The following PPP1R21 variants were observed in gnomAD, a reference collection of about 807,000 sequenced individuals.
The protein encoded by PPP1R21 is KLRAQ motif containing 1.
A neutral mutation model predicts 112.8 loss-of-function variants in PPP1R21; 85 were observed. The observed-to-expected ratio is 0.75, with a 90% CI of 0.63 to 0.90. The LOEUF (loss-of-function observed/expected upper bound fraction) is 0.90, where lower values mean the gene tolerates loss of function less well. Among genes scored for constraint, PPP1R21 ranks in the 40% least tolerant of loss-of-function variants. PPP1R21 has a pLI of 0.00. For synonymous variants in PPP1R21, 381 were observed against 322.3 expected, an observed-to-expected ratio of 1.18 and a Z score of -1.95; for missense variants, 1,199 against 901.5, an observed-to-expected ratio of 1.33 and a Z score of -4.23.
intron 9 of PPP1R21, among the ~76,000 whole-genome samples, chr2:48,469,173 C>G (rs915455156): frequency 6.6e-6 from 1 of 150,832 alleles, no homozygotes; most frequent in Admixed American, 6.6e-5. Flanking sequence ...CCCCTGGACA[C>G]CTCCCACAAC....
At chr2:48,513,453 G>A (rs1420990815) in intron 21 of PPP1R21, among the ~76,000 whole-genome samples, 7 of 151,622 alleles carry the variant, frequency 4.6e-5, no homozygotes, top group Admixed American at 4.6e-4. Context: ...CAAGTGATAA[G>A]CTGGCTGCAG....
intron 17 of PPP1R21, among the ~76,000 whole-genome samples, chr2:48,501,388 A>G (rs1452701104): frequency 1.3e-5 from 2 of 152,200 alleles, no homozygotes; most frequent in Admixed American, 6.5e-5. Flanking sequence ...GCTGCTGACA[A>G]TGACATTGTA....
At chr2:48,447,988 A>G (rs1338169413) in intron 1 of PPP1R21, among the ~76,000 whole-genome samples, 1 of 152,040 alleles carries the variant, frequency 6.6e-6, no homozygotes, top group Non-Finnish European at 1.5e-5. Flanking sequence ...TAAAAAAAAA[A>G]GATCAGGCTA....
At chr2:48,442,550 G>C (rs1667079128) in intron 1 of PPP1R21, among the ~76,000 whole-genome samples, 1 of 152,228 alleles carries the variant, frequency 6.6e-6, no homozygotes, top group South Asian at 2.1e-4. Flanking sequence ...TCTGTTGAGT[G>C]AGGCAGGGTT....
chr2:48,447,653 T>C (rs981695207), intron 1 of PPP1R21, among the ~76,000 whole-genome samples: 26 of 152,302 alleles, frequency 1.7e-4, no homozygotes, highest in South Asian at 6.2e-4. Flanking sequence ...AGATAGATTC[T>C]AAAAGACCAG....
Position 48,498,658 on chromosome 2 carries a change from G to A in PPP1R21, c.1858G>A (p.Ala620Thr), listed in dbSNP as rs1487022537. The change falls in exon 17 of 22, where the codon GCT (alanine) becomes ACT (threonine). Residue 620 changes from alanine (A) to threonine (T), a missense_variant. Ala to Thr is a moderately conservative substitution (Grantham distance 58). Coordinates refer to ENST00000294952, the MANE Select transcript of PPP1R21 (RefSeq NM_001135629.3). ...GCTGGTTGGGCTGGCCCAGGAAAATGCTGCTGTGTCAAATACTGCTGGCCA... is the reference window on the plus strand; with the variant it reads ...GCTGGTTGGGCTGGCCCAGGAAAATACTGCTGTGTCAAATACTGCTGGCCA... ...AQLVGLAQEN[A>T]AVSNTAGQDE... 6.2e-7 allele frequency: 1 copy of A among 1,614,120 alleles called. No homozygotes were observed. The highest frequency in any genetic ancestry group is 8.5e-7 in the Non-Finnish European group (1 of 1,180,038).
chr2:48,503,073 C>T (rs1021271872), intron 17 of PPP1R21, among the ~76,000 whole-genome samples: 1 of 151,930 alleles, frequency 6.6e-6, no homozygotes, highest in Non-Finnish European at 1.5e-5. Flanking sequence ...TATTCAGCCA[C>T]CTATTATATA....
chr2:48,461,057 C>G, intron 6 of PPP1R21, 81 bp from the exon 7 acceptor site: 1 of 1,501,918 alleles, frequency 6.7e-7, no homozygotes, highest in Non-Finnish European at 8.8e-7. Flanking sequence ...AGCCTACTAC[C>G]AGCTGTTGAG....
intron 14 of PPP1R21, 63 bp downstream of exon 14, chr2:48,486,821 A>G: frequency 6.5e-7 from 1 of 1,536,208 alleles, no homozygotes; most frequent in Admixed American, 2.0e-5. Flanking sequence ...TTTCTGAGGG[A>G]CATAGGAAAA....
At chr2:48,441,173 A>T in intron 1 of PPP1R21, 163 bp downstream of exon 1, 1 of 632,890 alleles carries the variant, frequency 1.6e-6, no homozygotes, top group Non-Finnish European at 2.8e-6. Flanking sequence ...CTCCACCTGC[A>T]GCTCCCAGGA....
chr2:48,500,572 A>G (rs542626479), intron 17 of PPP1R21, among the ~76,000 whole-genome samples: 1 of 152,304 alleles, frequency 6.6e-6, no homozygotes, highest in South Asian at 2.1e-4. Context: ...ACCTAAAAAC[A>G]ACAACAACAA....
chr2:48,447,771 A>C lies in PPP1R21; in HGVS notation c.58-3237A>C, dbSNP rs186382821. ...CAAGACCAGCCTGGTCAACATGGTG[A>C]AGCCCTGTCTCTACTAAAAATACAA... is the stretch of plus-strand genomic sequence containing the variant. On this transcript the variant is annotated intron_variant, in intron 1 of 21. Coordinates refer to ENST00000294952, the MANE Select transcript of PPP1R21 (RefSeq NM_001135629.3). Among the ~76,000 whole-genome samples the C allele has an allele frequency of 1.5e-3, 225 of 152,186 alleles. 1 individual carries two copies. Among genetic ancestry groups the C allele is most frequent in the African/African-American group, 5.1e-3 (213 of 41,502 alleles).
chr2:48,456,777 G>A (rs1486199308), intron 3 of PPP1R21, among the ~76,000 whole-genome samples: 1 of 152,216 alleles, frequency 6.6e-6, no homozygotes, highest in Non-Finnish European at 1.5e-5. Flanking sequence ...ACCAGGCCAG[G>A]CACAGTGGCT....
chr2:48,488,204 T>G (rs1669396737), intron 14 of PPP1R21, among the ~76,000 whole-genome samples: 1 of 152,194 alleles, frequency 6.6e-6, no homozygotes, highest in African/African-American at 2.4e-5. Flanking sequence ...CAGATCTATG[T>G]GCAAAGGATT....
chr2:48,500,868 C>T (rs1430660762), intron 17 of PPP1R21, among the ~76,000 whole-genome samples: 2 of 152,002 alleles, frequency 1.3e-5, no homozygotes, highest in African/African-American at 4.8e-5. Flanking sequence ...GAGATCATGC[C>T]ACTGCACTCC....
chr2:48,498,856 T>TGA, intron 17 of PPP1R21, 121 bp downstream of exon 17: 1 of 1,003,968 alleles, frequency 1.0e-6, no homozygotes. Flanking sequence ...TACCATAAGC[T>TGA]GAGCATCTTG....
intron 7 of PPP1R21, among the ~76,000 whole-genome samples, chr2:48,463,518 C>G (rs1035375067): frequency 4.0e-5 from 6 of 151,874 alleles, no homozygotes; most frequent in African/African-American, 1.5e-4. Flanking sequence ...ATAGGCAGAG[C>G]AGTGCTGTTT....
At chr2:48,505,774 G>T (rs1192793862) in intron 18 of PPP1R21, among the ~76,000 whole-genome samples, 178 bp downstream of exon 18, 1 of 152,198 alleles carries the variant, frequency 6.6e-6, no homozygotes, top group African/African-American at 2.4e-5. Context: ...GCTTTTCTCT[G>T]GTTCTGTTTT....
At chr2:48,455,142 ATTTTTTT>A (rs767494556) in intron 3 of PPP1R21, among the ~76,000 whole-genome samples, 16 of 117,014 alleles carry the variant, frequency 1.4e-4, no homozygotes, top group Admixed American at 6.1e-4. Context: ...CCGGCCCTGA[ATTTTTTT>A]TTTTTTTTTT....
Sources: gnomAD v4.1 joint callset for allele counts (sites outside exome capture counted in the v4.1 genomes callset) on GRCh38, gnomAD v4.1.1 for gene constraint, MANE v1.5 for transcripts, NCBI Gene and HGNC (gene_info 2026-07-23, HGNC 2026-07-21) for gene names.